GALNT1: variants seen among roughly 807,000 people sequenced by gnomAD.
The protein encoded by GALNT1 is GalNAc transferase 1.
Under a neutral mutation model 65.7 loss-of-function variants are expected in GALNT1, and 17 were observed. The observed-to-expected ratio is 0.26, with a 90% CI of 0.18 to 0.39. The LOEUF is 0.39. Ranked by LOEUF, GALNT1 falls within the 10% of genes least tolerant of loss-of-function variation. GALNT1 has a pLI of 1.00. For missense variants in GALNT1, 460 were observed against 672.8 expected (o/e 0.68, Z 3.50); for synonymous variants, 210 against 219.7 (o/e 0.96, Z 0.39).
intron 10 of GALNT1, 96 bp from the exon 11 acceptor site, chr18:35,703,413 C>A: frequency 4.4e-6 from 5 of 1,146,358 alleles, no homozygotes; most frequent in Admixed American, 2.3e-5. Flanking sequence ...AATCATGTAC[C>A]TTGAAATACT....
At chr18:35,592,645 T>G (rs2046458984) in intron 1 of GALNT1, among the ~76,000 whole-genome samples, 1 of 152,124 alleles carries the variant, frequency 6.6e-6, no homozygotes, top group African/African-American at 2.4e-5. Context: ...AGATCACCCC[T>G]GCTGCAGTGT....
At chr18:35,658,710 T>C (rs1047904544) in intron 2 of GALNT1, among the ~76,000 whole-genome samples, 19 of 126,034 alleles carry the variant, frequency 1.5e-4, no homozygotes, top group Non-Finnish European at 3.2e-4. Flanking sequence ...AAAGTTTCTC[T>C]TTTTTTTTTT....
intron 2 of GALNT1, among the ~76,000 whole-genome samples, chr18:35,658,079 A>G (rs1423360605): frequency 6.6e-6 from 1 of 152,206 alleles, no homozygotes; most frequent in Non-Finnish European, 1.5e-5. Flanking sequence ...TTTCAAAGAA[A>G]AAGACTGGGT....
intron 1 of GALNT1, among the ~76,000 whole-genome samples, chr18:35,650,167 A>G (rs1447254552): frequency 1.3e-5 from 2 of 152,094 alleles, no homozygotes; most frequent in African/African-American, 4.8e-5. Context: ...AAACGGAGAG[A>G]GTACAAAAGA....
At chr18:35,608,572 C>G in intron 1 of GALNT1, among the ~76,000 whole-genome samples, 1 of 152,116 alleles carries the variant, frequency 6.6e-6, no homozygotes, top group East Asian at 1.9e-4. Flanking sequence ...CAAAGATTCA[C>G]TTTGTTTCTT....
intron 1 of GALNT1, among the ~76,000 whole-genome samples, chr18:35,603,400 T>C (rs1454054531): frequency 6.6e-6 from 1 of 152,154 alleles, no homozygotes; most frequent in East Asian, 1.9e-4. Context: ...AGCCTCAGAT[T>C]CAAGTTCTGG....
chr18:35,584,573 A>G lies in GALNT1; in HGVS notation c.-104+2711A>G, dbSNP rs116222800. ...TACTTACTGTTTGTTCATTTATTCA[A>G]TTAATATTTATTGACTCAGCAGTCC... On this transcript the variant is annotated intron_variant, in intron 1 of 11. Transcript: ENST00000269195. Among the ~76,000 whole-genome samples, 842 of 152,272 alleles carry G rather than the reference A, an allele frequency of 5.5e-3. 9 individuals are homozygous for G. Among genetic ancestry groups the G allele is most frequent in the African/African-American group, 0.018 (763 of 41,526 alleles).
At chr18:35,608,570 C>G (rs180919609) in intron 1 of GALNT1, among the ~76,000 whole-genome samples, 3 of 152,112 alleles carry the variant, frequency 2.0e-5, no homozygotes, top group African/African-American at 7.2e-5. Context: ...AACAAAGATT[C>G]ACTTTGTTTC....
intron 1 of GALNT1, among the ~76,000 whole-genome samples, chr18:35,626,685 A>G (rs1044146156): frequency 1.3e-5 from 2 of 152,162 alleles, no homozygotes; most frequent in Admixed American, 1.3e-4. Context: ...GTCTGGCTCC[A>G]TGAAATCATG....
chr18:35,700,660 CA>C (rs2048146263), intron 9 of GALNT1, among the ~76,000 whole-genome samples: 1 of 152,092 alleles, frequency 6.6e-6, no homozygotes. Flanking sequence ...AAATCTCTTA[CA>C]AAATAGAGGC....
intron 1 of GALNT1, among the ~76,000 whole-genome samples, chr18:35,589,386 G>A (rs545722038): frequency 1.8e-4 from 28 of 152,264 alleles, no homozygotes; most frequent in Admixed American, 1.2e-3. Context: ...GGCATGGGTC[G>A]GGGTAAGGCT....
chr18:35,623,849 T>G (rs2046885320), intron 1 of GALNT1, among the ~76,000 whole-genome samples: 1 of 152,252 alleles, frequency 6.6e-6, no homozygotes, highest in Non-Finnish European at 1.5e-5. Context: ...TACGTTATAG[T>G]CCTTGCCAAC....
chr18:35,628,922 G>A (rs535092007), intron 1 of GALNT1, among the ~76,000 whole-genome samples: 18 of 152,324 alleles, frequency 1.2e-4, no homozygotes, highest in African/African-American at 3.8e-4. Flanking sequence ...TGACGAATGC[G>A]CAAGCTTCAG....
intron 4 of GALNT1, among the ~76,000 whole-genome samples, chr18:35,682,455 A>G (rs774539652): frequency 8.5e-5 from 13 of 152,144 alleles, no homozygotes; most frequent in Non-Finnish European, 1.8e-4. Context: ...TTTCTTCCCT[A>G]GAGAGATTAT....
intron 11 of GALNT1, among the ~76,000 whole-genome samples, chr18:35,705,372 T>C (rs546813764): frequency 6.6e-6 from 1 of 152,368 alleles, no homozygotes; most frequent in African/African-American, 2.4e-5. Flanking sequence ...TATCTAGCAA[T>C]CTTTTCTCCA....
chr18:35,642,226 A>G (rs777028703), intron 1 of GALNT1, among the ~76,000 whole-genome samples: 2 of 152,242 alleles, frequency 1.3e-5, no homozygotes, highest in Non-Finnish European at 2.9e-5. Flanking sequence ...AAAGAACCCA[A>G]ATGTCTGTTA....
At chr18:35,646,699 C>T (rs1023777024) in intron 1 of GALNT1, among the ~76,000 whole-genome samples, 2 of 152,196 alleles carry the variant, frequency 1.3e-5, no homozygotes, top group Non-Finnish European at 1.5e-5. Context: ...CCAGCCCACA[C>T]TCTAGGAGGA....
At chr18:35,673,829 T>C (rs2047668089) in intron 3 of GALNT1, among the ~76,000 whole-genome samples, 1 of 152,212 alleles carries the variant, frequency 6.6e-6, no homozygotes, top group African/African-American at 2.4e-5. Context: ...GGTACAGTCA[T>C]GTGTTATTTA....
intron 9 of GALNT1, among the ~76,000 whole-genome samples, chr18:35,695,696 A>C (rs1379467014): frequency 6.6e-6 from 1 of 152,084 alleles, no homozygotes; most frequent in African/African-American, 2.4e-5. Flanking sequence ...TGATTTAAGG[A>C]ATTTGTTTTC....
Sources: gnomAD v4.1 joint callset for allele counts (sites outside exome capture counted in the v4.1 genomes callset) on GRCh38, gnomAD v4.1.1 for gene constraint, MANE v1.5 for transcripts, NCBI Gene and HGNC (gene_info 2026-07-23, HGNC 2026-07-21) for gene names.